STX1B: variants seen among roughly 807,000 people sequenced by gnomAD.
STX1B encodes syntaxin 1B, also known as syntaxin-1B.
In STX1B, 7 loss-of-function variants were observed where a neutral mutation model predicts 39.4. The observed-to-expected ratio is 0.18, with a 90% confidence interval of 0.10 to 0.33. The LOEUF is 0.33. Ranked by LOEUF, STX1B falls within the 10% of genes least tolerant of loss-of-function variation. The pLI is 1.00. For missense variants in STX1B, 198 were observed against 383.2 expected (o/e 0.52, Z 4.04); for synonymous variants, 136 against 144.1 (o/e 0.94, Z 0.40).
At position 31,010,405 on chromosome 16, in the gene STX1B, G is replaced by GGCT. The variant is rs2056675432; in HGVS notation, c.-12_-10dup. 1.3e-6 allele frequency: 2 copies of GGCT among 1,493,300 alleles called. No individual in the cohort carries two copies. Among genetic ancestry groups the GGCT allele is most frequent in the African/African-American group, 2.8e-5 (2 of 71,460 alleles). 92.5% of individuals were successfully genotyped at this position (1,493,300 alleles called of 1,614,324 possible). On this transcript the variant is annotated 5_prime_UTR_variant, in exon 1 of 10. Transcript: ENST00000215095. ...TGAGTCCGATCCTTCATCCTGCGAC[G>GGCT]GCTCCTCCTCCTCCTCCTAGTCCTC...
In STX1B at chr16:30,993,484, T is replaced by C; in HGVS notation, c.538A>G (p.Ile180Val). Reference protein sequence around the residue: ...SGKLAIFTDDIKMDSQMTKQA... With the variant: ...SGKLAIFTDDVKMDSQMTKQA... ...TTCGTCATCTGTGAGTCCATTTTGA[T>C]CTAGGGTGACGAGGGAGAGAGCTAC... Residue 180 changes from isoleucine to valine, a missense_variant and splice_region_variant, in exon 8 of 10, where the codon ATC (isoleucine) becomes GTC (valine). Coordinates refer to ENST00000215095, the MANE Select transcript of STX1B (RefSeq NM_052874.5). 1 of 1,613,690 alleles carries C rather than the reference T, an allele frequency of 6.2e-7. No individual in the cohort carries two copies.
chr16:31,006,836 C>T (rs1040670294), intron 1 of STX1B, among the ~76,000 whole-genome samples: 1 of 152,144 alleles, frequency 6.6e-6, no homozygotes, highest in Non-Finnish European at 1.5e-5. Context: ...CAGTGCCAGC[C>T]GAGCGCGGTG....
rs548580499 is a variant in STX1B at position 31,001,561 on chromosome 16, G to C, written c.73C>G (p.Arg25Gly). ...DDEEEVVHVDRDHFMDEFFEQ... is the reference protein window; with the variant it reads ...DDEEEVVHVDGDHFMDEFFEQ... ...AAGAACTCATCCATGAAGTGGTCCC[G>C]ATCCACGTGGACCACCTCCTCTTCA... The change falls in exon 2 of 10, where the codon CGG (arginine) becomes GGG (glycine). Residue 25 changes from arginine (R) to glycine (G), a missense_variant. Transcript: ENST00000215095. The surrounding 1 kb of genome is among the most constrained non-coding windows in gnomAD (Gnocchi z 5.5). The C allele has an allele frequency of 2.5e-6, 4 of 1,613,160 alleles. No homozygotes were observed. The highest frequency in any genetic ancestry group is 3.4e-6 in the Non-Finnish European group (4 of 1,179,848).
intron 1 of STX1B, among the ~76,000 whole-genome samples, chr16:31,009,961 A>G (rs1043294942): frequency 2.0e-5 from 3 of 151,466 alleles, no homozygotes; most frequent in African/African-American, 7.3e-5. Context: ...CATCCCCTGA[A>G]TCTGGGTCCT....
chr16:30,997,921 C>T (rs1009852878), intron 4 of STX1B, among the ~76,000 whole-genome samples: 1 of 152,198 alleles, frequency 6.6e-6, no homozygotes, highest in South Asian at 2.1e-4. Context: ...CGGCCCAGCC[C>T]GCGTGAAGGG....
In STX1B at chr16:30,996,786, G is replaced by A. The variant is rs371019305; in HGVS notation, c.464-30C>T. On this transcript the variant is annotated intron_variant, in intron 6 of 9. Transcript: ENST00000215095. ...GGGAAGAAAGGACTCCCTGCTCGGG[G>A]GCTGGGACAGCCTGGGGGCCTGAGG... The A allele has an allele frequency of 9.3e-6, 15 of 1,610,264 alleles. No homozygotes were observed. In the African/African-American group the frequency reaches 1.3e-4, roughly 14 times the overall value.
intron 1 of STX1B, among the ~76,000 whole-genome samples, chr16:31,002,256 TCAC>T (rs1375179585): frequency 2.0e-5 from 3 of 151,658 alleles, no homozygotes; most frequent in Non-Finnish European, 4.4e-5. Flanking sequence ...CCTTCCAACT[TCAC>T]ACCCACCTAC....
chr16:31,010,069 C>T (rs1022379232), intron 1 of STX1B, among the ~76,000 whole-genome samples: 1 of 152,054 alleles, frequency 6.6e-6, no homozygotes, highest in Non-Finnish European at 1.5e-5. Context: ...CTGATATCCA[C>T]TCTCTCCCAT....
chr16:31,010,527 GCGGGGGCGGGGC>G lies in STX1B; in HGVS notation c.-143_-132del. On this transcript the variant is annotated 5_prime_UTR_variant, in exon 1 of 10. Transcript: ENST00000215095. ...CGCGGCCGCTGCGGGGGGCCTGCGG[GCGGGGGCGGGGC>G]CGGGGGCGACTGGCCGAGGGCCGGG... 5.2e-6 allele frequency: 2 copies of G among 383,324 alleles called. No homozygotes were observed. The highest frequency in any genetic ancestry group is 7.7e-6 in the Non-Finnish European group (2 of 260,786). 23.7% of individuals were successfully genotyped at this position (383,324 alleles called of 1,614,324 possible).
intron 1 of STX1B, among the ~76,000 whole-genome samples, chr16:31,009,932 C>G (rs1472007487): frequency 6.6e-6 from 1 of 152,086 alleles, no homozygotes; most frequent in Non-Finnish European, 1.5e-5. Context: ...TCAGTCCCAA[C>G]CTGTGTCCTT....
rs1421783819 is a variant in STX1B, at chr16:31,010,587, G to C, written c.-191C>G. The C allele has an allele frequency of 1.2e-5, 2 of 163,490 alleles. No individual in the cohort carries two copies. The highest frequency in any genetic ancestry group is 2.5e-5 in the Non-Finnish European group (2 of 79,036). 10.1% of individuals were successfully genotyped at this position (163,490 alleles called of 1,614,324 possible). ...GGGCAGGGGCAGGGGCCTGGGCCGG[G>C]CTCGGCTCTGCCGGGCTGCGGTGGC... On this transcript the variant is annotated 5_prime_UTR_variant, in exon 1 of 10. Coordinates refer to ENST00000215095, the MANE Select transcript of STX1B (RefSeq NM_052874.5).
chr16:31,000,852 G>A (rs770265196), intron 4 of STX1B, 76 bp downstream of exon 4: 18 of 1,470,566 alleles, frequency 1.2e-5, no homozygotes, highest in South Asian at 8.0e-5. Flanking sequence ...GCCCCGCCTC[G>A]CCCTCCCAAA....
In STX1B at chr16:30,992,692, T is replaced by TGGGGG. The variant is rs1567376383; in HGVS notation, c.*124_*128dup. On this transcript the variant is annotated 3_prime_UTR_variant, in exon 10 of 10. Transcript: ENST00000215095. ...GGTCCAGGGACACCAGGGTCTGCCG[T>TGGGGG]GGGGGTGGGGCTGCCTGGGTCTGTT... 2.3e-6 allele frequency: 1 copy of TGGGGG among 434,424 alleles called. No homozygotes were observed. Among genetic ancestry groups the TGGGGG allele is most frequent in the Non-Finnish European group, 3.9e-6 (1 of 254,814 alleles). 26.9% of individuals were successfully genotyped at this position (434,424 alleles called of 1,614,324 possible).
Position 30,992,824 on chromosome 16 carries a change from C to T in STX1B, c.864G>A (p.Leu288=), listed in dbSNP as rs2143660577. 3 of 1,608,264 alleles carry T rather than the reference C, an allele frequency of 1.9e-6. No individual in the cohort carries two copies. The highest frequency in any genetic ancestry group is 2.2e-5 in the East Asian group (1 of 44,830). Residue 288 remains leucine, a synonymous_variant, in exon 10 of 10, where the codon TTG becomes TTA. Coordinates refer to ENST00000215095, the MANE Select transcript of STX1B (RefSeq NM_052874.5). ...GAGAGAGAAGGGTGGGGGGGGCCTACAAGCCCAGCGTCCCCCCAATGGATG... is the reference window on the plus strand; with the variant it reads ...GAGAGAGAAGGGTGGGGGGGGCCTATAAGCCCAGCGTCCCCCCAATGGATG... ...LASSIGGTLG[L] is the part of the protein sequence containing the mutation.
At chr16:30,995,273 G>A (rs1194433462) in intron 7 of STX1B, among the ~76,000 whole-genome samples, 1 of 151,466 alleles carries the variant, frequency 6.6e-6, no homozygotes, top group African/African-American at 2.4e-5. Context: ...CCACCACACC[G>A]GGCTGCTCAA....
At position 30,992,860 on chromosome 16, in the gene STX1B, C is replaced by A. The variant is rs202028644; in HGVS notation, c.828G>T (p.Val276=). 4 of 1,613,930 alleles carry A rather than the reference C, an allele frequency of 2.5e-6. No homozygotes were observed. The highest frequency in any genetic ancestry group is 3.4e-6 in the Non-Finnish European group (4 of 1,179,958). ...TCCCCCCAATGGATGACGCCAAGAC[C>A]ACCCCCAGCACCACACAGCAAATGA... The part of the protein sequence containing the change: ...MIIICCVVLG[V]VLASSIGGTL... Residue 276 remains valine, a synonymous_variant, in exon 10 of 10, where the codon GTG becomes GTT. Coordinates refer to ENST00000215095, the MANE Select transcript of STX1B (RefSeq NM_052874.5).
At chr16:31,009,880 G>GCACA (rs146170267) in intron 1 of STX1B, among the ~76,000 whole-genome samples, 32 of 151,518 alleles carry the variant, frequency 2.1e-4, no homozygotes, top group African/African-American at 7.3e-4. Context: ...ACACGCGTGT[G>GCACA]CACACACACA....
Position 30,992,644 on chromosome 16 carries a change from G to GGC in STX1B, c.*176_*177insGC, listed in dbSNP as rs957101675. 14 of 495,334 alleles carry GGC rather than the reference G, an allele frequency of 2.8e-5. No individual in the cohort carries two copies. The highest frequency in any genetic ancestry group is 4.6e-5 in the Non-Finnish European group (13 of 280,240). The allele number at this position is 495,334 out of a possible 1,614,324, so 30.7% of individuals were successfully genotyped here. On this transcript the variant is annotated 3_prime_UTR_variant, in exon 10 of 10. Transcript: ENST00000215095. ...TGCTGCGATCTACGTGCGGGGACGG[G>GGC]GGGGGGGTCCATGGCCCGGTGAGGT... is the stretch of plus-strand genomic sequence containing the variant.
intron 4 of STX1B, among the ~76,000 whole-genome samples, chr16:30,998,232 C>T (rs1287313548): frequency 1.3e-5 from 2 of 152,360 alleles, no homozygotes; most frequent in African/African-American, 4.8e-5. Context: ...ACTATCGTTC[C>T]GATTTTCTAA....
Sources: allele counts gnomAD v4.1 joint callset (sites outside exome capture counted in the v4.1 genomes callset), GRCh38; gene constraint gnomAD v4.1.1; non-coding constraint Gnocchi (gnomAD v3.1); transcripts MANE v1.5; gene names NCBI Gene and HGNC (gene_info 2026-07-23, HGNC 2026-07-21).